Variants in ODF1 observed in about 807,000 individuals in gnomAD.
ODF1 encodes outer dense fiber of sperm tails 1.
ODF1 carries 10 observed loss-of-function variants against 24.0 expected under a neutral mutation model. The observed-to-expected ratio is 0.42, with a 90% confidence interval of 0.26 to 0.71. The LOEUF is 0.71. ODF1 is among the 30% of genes least tolerant of loss of function. The probability of loss-of-function intolerance (pLI) is 0.28; values close to 1 mark genes in which losing one functional copy is unlikely to be tolerated. For missense variants in ODF1, 282 were observed against 307.9 expected (o/e 0.92, Z 0.63); for synonymous variants, 118 against 121.3 (o/e 0.97, Z 0.18).
chr8:102,557,067 T>C (rs746836026), intron 1 of ODF1, among the ~76,000 whole-genome samples: 2 of 152,138 alleles, frequency 1.3e-5, no homozygotes, highest in African/African-American at 2.4e-5. Context: ...AATTTAGCAT[T>C]AGCAGGGAGG....
At chr8:102,553,484 C>T (rs930281154) in intron 1 of ODF1, among the ~76,000 whole-genome samples, 2 of 151,986 alleles carry the variant, frequency 1.3e-5, no homozygotes, top group African/African-American at 4.8e-5. Context: ...TTCATCTATA[C>T]TCTTTGAACC....
Position 102,551,691 on chromosome 8 carries a change from C to G in ODF1, c.-37C>G. 6.6e-7 allele frequency: 1 copy of G among 1,508,732 alleles called. No individual in the cohort carries two copies. Among genetic ancestry groups the G allele is most frequent in the South Asian group, 1.4e-5 (1 of 73,754 alleles). The allele number at this position is 1,508,732 out of a possible 1,614,324, so 93.5% of individuals were successfully genotyped here. A position where few individuals can be genotyped will look rare whatever the true frequency, so the allele number is the denominator to read the frequency against. The stretch of plus-strand genomic sequence containing the variant: ...CAAATTTTTTCCCGGAGTGCCATTT[C>G]CCAAAGGTACTCACAGAACAATCAG... On this transcript the variant is annotated 5_prime_UTR_variant, in exon 1 of 2. Transcript: ENST00000285402.
Position 102,551,638 on chromosome 8 carries a change from A to T in ODF1, c.-90A>T. 9.4e-7 allele frequency: 1 copy of T among 1,059,422 alleles called. No homozygotes were observed. The highest frequency in any genetic ancestry group is 1.4e-6 in the Non-Finnish European group (1 of 731,790). 65.6% of individuals were successfully genotyped at this position (1,059,422 alleles called of 1,614,324 possible). ...AATCATGTGTGCCTCATTTATTTTTAAAAGCAACTTCTGAGAAGGGCTTAG... is the reference window on the plus strand; with the variant it reads ...AATCATGTGTGCCTCATTTATTTTTTAAAGCAACTTCTGAGAAGGGCTTAG... On this transcript the variant is annotated 5_prime_UTR_variant, in exon 1 of 2. The change creates a premature stop within an existing upstream ORF in the 5' untranslated region. Coordinates refer to ENST00000285402, the MANE Select transcript of ODF1 (RefSeq NM_024410.4).
At chr8:102,553,891 T>C (rs542463511) in intron 1 of ODF1, among the ~76,000 whole-genome samples, 19 of 152,338 alleles carry the variant, frequency 1.2e-4, no homozygotes, top group Non-Finnish European at 2.6e-4. Flanking sequence ...GCCTATTTTT[T>C]CTCTGCCTGC....
chr8:102,560,522 G>A lies in ODF1; in HGVS notation c.391G>A (p.Val131Ile), dbSNP rs776985942. The A allele has an allele frequency of 1.2e-6, 2 of 1,614,206 alleles. No homozygotes were observed. The highest frequency in any genetic ancestry group is 4.5e-5 in the East Asian group (2 of 44,894). Residue 131 changes from valine (V) to isoleucine (I), a missense_variant, in exon 2 of 2, where the codon GTA becomes ATA. Val to Ile is a conservative substitution (Grantham distance 29, BLOSUM62 3). Coordinates refer to ENST00000285402, the MANE Select transcript of ODF1 (RefSeq NM_024410.4). Reference protein sequence around the residue: ...CSSNILGSVNVCGFEPDQVKV... With the variant: ...CSSNILGSVNICGFEPDQVKV... ...CAGTAACATTTTAGGATCGGTGAAT[G>A]TATGCGGTTTTGAACCCGATCAAGT...
chr8:102,557,636 A>C (rs900053067), intron 1 of ODF1, among the ~76,000 whole-genome samples: 1 of 152,254 alleles, frequency 6.6e-6, no homozygotes, highest in African/African-American at 2.4e-5. Context: ...GCTTCTGTGG[A>C]GGTCAAGAGG....
At chr8:102,560,046 T>G (rs1826158215) in intron 1 of ODF1, among the ~76,000 whole-genome samples, 1 of 151,532 alleles carries the variant, frequency 6.6e-6, no homozygotes, top group South Asian at 2.1e-4. Flanking sequence ...TAAAATATCA[T>G]AATCTCATCT....
In ODF1 at chr8:102,560,964, C is replaced by G. The variant is rs1334662114; in HGVS notation, c.*80C>G. 1 of 1,280,104 alleles carries G rather than the reference C, an allele frequency of 7.8e-7. No homozygotes were observed. Among genetic ancestry groups the G allele is most frequent in the Admixed American group, 2.1e-5 (1 of 47,224 alleles). 79.3% of individuals were successfully genotyped at this position (1,280,104 alleles called of 1,614,324 possible). A position where few individuals can be genotyped will look rare whatever the true frequency, so the allele number is the denominator to read the frequency against. ...TCTCCCAATGTTTCTCCTCTCCTTCCCATGGCCCCTGTTGTTGAAGTACGT... is the reference window on the plus strand; with the variant it reads ...TCTCCCAATGTTTCTCCTCTCCTTCGCATGGCCCCTGTTGTTGAAGTACGT... On this transcript the variant is annotated 3_prime_UTR_variant, in exon 2 of 2. Transcript: ENST00000285402.
At chr8:102,553,389 A>C (rs1371754388) in intron 1 of ODF1, among the ~76,000 whole-genome samples, 1 of 151,760 alleles carries the variant, frequency 6.6e-6, no homozygotes, top group African/African-American at 2.4e-5. Context: ...AAAAAAAAAA[A>C]AAAAGGATAA....
At chr8:102,555,933 G>C (rs567600559) in intron 1 of ODF1, among the ~76,000 whole-genome samples, 1 of 152,306 alleles carries the variant, frequency 6.6e-6, no homozygotes, top group Admixed American at 6.5e-5. Flanking sequence ...GGGGGTAAGA[G>C]TCTCTCCCCA....
Position 102,551,739 on chromosome 8 carries a change from G to A in ODF1, c.12G>A (p.Leu4=). 6.3e-7 allele frequency: 1 copy of A among 1,596,908 alleles called. No homozygotes were observed. Among genetic ancestry groups the A allele is most frequent in the Non-Finnish European group, 8.6e-7 (1 of 1,167,800 alleles). The change falls in exon 1 of 2, where the codon CTG becomes CTA. Residue 4 remains leucine, a synonymous_variant. Coordinates refer to ENST00000285402, the MANE Select transcript of ODF1 (RefSeq NM_024410.4). ...CAGGTGTGACCATAATGGCTGCACT[G>A]AGTTGTCTCTTGGACAGTGTCAGAA... The part of the protein sequence containing the change: MAA[L]SCLLDSVRRD...
chr8:102,560,508 T>C lies in ODF1; in HGVS notation c.377T>C (p.Leu126Ser). The C allele has an allele frequency of 1.9e-6, 3 of 1,614,242 alleles. No homozygotes were observed. The highest frequency in any genetic ancestry group is 2.5e-6 in the Non-Finnish European group (3 of 1,180,038). ...TCCTCCTGCTGTAGCAGTAACATTT[T>C]AGGATCGGTGAATGTATGCGGTTTT... Reference protein sequence around the residue: ...LASSCCSSNILGSVNVCGFEP... With the variant: ...LASSCCSSNISGSVNVCGFEP... The change falls in exon 2 of 2, where the codon TTA (leucine) becomes TCA (serine). Residue 126 changes from leucine (L) to serine (S), a missense_variant. Leu to Ser is a moderately radical substitution (Grantham distance 145). Transcript: ENST00000285402.
At chr8:102,560,370 A>G in intron 1 of ODF1, 82 bp from the exon 2 acceptor site, 1 of 1,332,662 alleles carries the variant, frequency 7.5e-7, no homozygotes, top group African/African-American at 1.5e-5. Flanking sequence ...CAAAAGCTAG[A>G]AATCAAAATA....
At chr8:102,552,355 T>C (rs998523374) in intron 1 of ODF1, among the ~76,000 whole-genome samples, 3 of 150,514 alleles carry the variant, frequency 2.0e-5, no homozygotes, top group Non-Finnish European at 4.5e-5. Context: ...TAAAAAGCCA[T>C]TGGAAGCAGC....
intron 1 of ODF1, among the ~76,000 whole-genome samples, chr8:102,558,588 A>G (rs1259175386): frequency 1.3e-5 from 2 of 152,240 alleles, no homozygotes; most frequent in Admixed American, 1.3e-4. Flanking sequence ...AGCCACTAAG[A>G]GTCTTGATCT....
chr8:102,554,281 A>G (rs572406684), intron 1 of ODF1, among the ~76,000 whole-genome samples: 1 of 152,246 alleles, frequency 6.6e-6, no homozygotes. Flanking sequence ...TCAATTTTTT[A>G]AAACAATCTT....
At chr8:102,554,960 A>T (rs1296633603) in intron 1 of ODF1, among the ~76,000 whole-genome samples, 1 of 152,164 alleles carries the variant, frequency 6.6e-6, no homozygotes, top group Non-Finnish European at 1.5e-5. Context: ...CCTGTTTCAA[A>T]AAATAAATAA....
rs772757013 is a variant in ODF1, at chr8:102,560,500, T to A, written c.369T>A (p.Ser123Arg). Residue 123 changes from serine to arginine, a missense_variant, in exon 2 of 2, where the codon AGT becomes AGA. Ser to Arg is a moderately radical substitution (Grantham distance 110, BLOSUM62 -1). Transcript: ENST00000285402. ...NRILASSCCS[S>R]NILGSVNVCG... ...TTCTGGCTTCCTCCTGCTGTAGCAGTAACATTTTAGGATCGGTGAATGTAT... is the reference window on the plus strand; with the variant it reads ...TTCTGGCTTCCTCCTGCTGTAGCAGAAACATTTTAGGATCGGTGAATGTAT... 1 of 1,614,218 alleles carries A rather than the reference T, an allele frequency of 6.2e-7. No individual in the cohort carries two copies. Among genetic ancestry groups the A allele is most frequent in the South Asian group, 1.1e-5 (1 of 91,084 alleles).
intron 1 of ODF1, among the ~76,000 whole-genome samples, chr8:102,553,018 G>A (rs4440601): frequency 0.011 from 177 of 16,638 alleles, 1 homozygote; most frequent in African/African-American, 0.064. Context: ...ATAGATAGAT[G>A]ATAGATAGAT....
Sources: gnomAD v4.1 joint callset for allele counts (sites outside exome capture counted in the v4.1 genomes callset) on GRCh38, gnomAD v4.1.1 for gene constraint, MANE v1.5 for transcripts, NCBI Gene and HGNC (gene_info 2026-07-23, HGNC 2026-07-21) for gene names.